The following CATSPERD variants were observed in gnomAD, a reference collection of about 807,000 sequenced individuals.
The protein encoded by CATSPERD is catsper channel auxiliary subunit delta.
Under a neutral mutation model 98.1 loss-of-function variants are expected in CATSPERD, and 86 were observed. The observed-to-expected ratio is 0.88, with a 90% CI of 0.74 to 1.05. The LOEUF is 1.05. Ranked by LOEUF, CATSPERD falls within the 50% of genes least tolerant of loss-of-function variation. CATSPERD has a pLI of 0.00. For missense variants in CATSPERD, 995 were observed against 1,005.7 expected (o/e 0.99, Z 0.14); for synonymous variants, 394 against 390.2 (o/e 1.01, Z -0.12).
At chr19:5,760,391 TC>T (rs2056411722) in intron 15 of CATSPERD, among the ~76,000 whole-genome samples, 1 of 112,432 alleles carries the variant, frequency 8.9e-6, no homozygotes, top group Non-Finnish European at 2.1e-5. Flanking sequence ...AGAGCAAAAC[TC>T]GTTCTCAAAA....
rs565452303 is a variant in CATSPERD at position 5,735,724 on chromosome 19, C to T, written c.392-1414C>T. Among the ~76,000 whole-genome samples, 4 of 151,392 alleles carry T rather than the reference C, an allele frequency of 2.6e-5. No individual in the cohort carries two copies. The South Asian group carries it at 8.4e-4, about 32-fold the overall frequency. On this transcript the variant is annotated intron_variant, in intron 5 of 21. Coordinates refer to ENST00000381624, the MANE Select transcript of CATSPERD (RefSeq NM_152784.4). ...TATTTACCTCGTGATCCTGTCACCT[C>T]GGCCTCCCAAAGTGCTGGGATTACA...
rs774517722 is a variant in CATSPERD at position 5,776,178 on chromosome 19, C to T, written c.1959C>T (p.His653=). Residue 653 remains histidine (H), a synonymous_variant, in exon 21 of 22, where the codon CAC becomes CAT. Transcript: ENST00000381624. ...FWNRENYVSC[H]DPNNNAPLRW... ...CCCCACAGAACTATGTGAGCTGCCA[C>T]GACCCCAACAACAATGCCCCTTTGA... 5.3e-5 allele frequency: 86 copies of T among 1,614,070 alleles called. No individual in the cohort carries two copies. Among genetic ancestry groups the T allele is most frequent in the Non-Finnish European group, 6.7e-5 (79 of 1,180,036 alleles).
At chr19:5,743,171 C>G (rs556470631) in intron 7 of CATSPERD, among the ~76,000 whole-genome samples, 1 of 151,930 alleles carries the variant, frequency 6.6e-6, no homozygotes, top group Non-Finnish European at 1.5e-5. Context: ...GGTGTGGTGG[C>G]AGGCGCCTGT....
At chr19:5,723,261 G>C (rs141525786) in intron 1 of CATSPERD, among the ~76,000 whole-genome samples, 1 of 151,442 alleles carries the variant, frequency 6.6e-6, no homozygotes. Flanking sequence ...GTGTACTTAT[G>C]TCTGTTTCTG....
chr19:5,755,601 C>T (rs138604782), intron 13 of CATSPERD, among the ~76,000 whole-genome samples: 2 of 151,950 alleles, frequency 1.3e-5, no homozygotes, highest in African/African-American at 2.4e-5. Flanking sequence ...GAGACTCCAT[C>T]TGTACAAAAA....
chr19:5,722,508 A>G (rs941701597), intron 1 of CATSPERD, among the ~76,000 whole-genome samples: 1 of 152,216 alleles, frequency 6.6e-6, no homozygotes, highest in Admixed American at 6.6e-5. Context: ...AGTGGGAGAA[A>G]CATTTTCCAG....
chr19:5,755,714 G>A (rs570428895), intron 13 of CATSPERD, among the ~76,000 whole-genome samples: 51 of 151,516 alleles, frequency 3.4e-4, no homozygotes, highest in African/African-American at 1.0e-3. Flanking sequence ...CGGAGGTTGC[G>A]GTGAGCCAAG....
intron 12 of CATSPERD, among the ~76,000 whole-genome samples, chr19:5,753,027 CA>C (rs139627967): frequency 0.19 from 18,424 of 98,832 alleles, 1,444 homozygotes; most frequent in African/African-American, 0.31. Flanking sequence ...GACTCCATGT[CA>C]AAAAAAAAAA....
At position 5,748,373 on chromosome 19, in the gene CATSPERD, G is replaced by C. The variant is rs2056136621; in HGVS notation, c.904+118G>C. 1.3e-5 allele frequency: 12 copies of C among 909,030 alleles called. 1 individual carries two copies. In the South Asian group the frequency reaches 1.5e-4, roughly 11 times the overall value. The allele number at this position is 909,030 out of a possible 1,614,324, so 56.3% of individuals were successfully genotyped here. On this transcript the variant is annotated intron_variant, in intron 10 of 21. Coordinates refer to ENST00000381624, the MANE Select transcript of CATSPERD (RefSeq NM_152784.4). ...CAGCTGGGCGCGGTGGCTCATGCCTGTAATTCCAGCACTTTGGGAGGCCGA... is the reference window on the plus strand; with the variant it reads ...CAGCTGGGCGCGGTGGCTCATGCCTCTAATTCCAGCACTTTGGGAGGCCGA...
At chr19:5,726,722 A>G (rs1268532178) in intron 2 of CATSPERD, among the ~76,000 whole-genome samples, 2 of 152,104 alleles carry the variant, frequency 1.3e-5, no homozygotes, top group Non-Finnish European at 2.9e-5. Flanking sequence ...GGACATAATT[A>G]TAGATTTACA....
Position 5,772,807 on chromosome 19 carries a change from CAGG to C in CATSPERD, c.1787_1789del (p.Glu596del), listed in dbSNP as rs750897126. 3 of 1,613,718 alleles carry C rather than the reference CAGG, an allele frequency of 1.9e-6. No individual in the cohort carries two copies. Among genetic ancestry groups the C allele is most frequent in the Non-Finnish European group, 1.7e-6 (2 of 1,179,866 alleles). ...TCCTAGGTGGCGAAAAGACAGTTTC[CAGG>C]AGGTCATCGACGCCGAGTATGTGTT... On this transcript the variant is annotated inframe_deletion, in exon 20 of 22. Transcript: ENST00000381624.
intron 21 of CATSPERD, 23 bp from the exon 22 acceptor site, chr19:5,778,353 C>T (rs2056769540): frequency 7.0e-6 from 11 of 1,580,772 alleles, no homozygotes; most frequent in Non-Finnish European, 8.6e-6. Context: ...CCAACAGCCT[C>T]TCCCCGCCTC....
chr19:5,752,931 G>C (rs1166029157), intron 12 of CATSPERD, among the ~76,000 whole-genome samples: 1 of 151,816 alleles, frequency 6.6e-6, no homozygotes, highest in African/African-American at 2.4e-5. Flanking sequence ...AGGAGGCTGA[G>C]GCAGGAGAAT....
chr19:5,756,615 G>A (rs142417256), intron 13 of CATSPERD, among the ~76,000 whole-genome samples: 2 of 152,156 alleles, frequency 1.3e-5, no homozygotes, highest in East Asian at 1.9e-4. Flanking sequence ...AAGTAGGCTG[G>A]GCTAACTTCC....
intron 1 of CATSPERD, among the ~76,000 whole-genome samples, chr19:5,724,513 T>C (rs2055565764): frequency 6.6e-6 from 1 of 151,912 alleles, no homozygotes; most frequent in African/African-American, 2.4e-5. Context: ...GCCTGGCCAA[T>C]GTGGTGAAAC....
At chr19:5,742,346 G>A (rs1338049023) in intron 7 of CATSPERD, among the ~76,000 whole-genome samples, 1 of 151,730 alleles carries the variant, frequency 6.6e-6, no homozygotes, top group Non-Finnish European at 1.5e-5. Flanking sequence ...GTACATGTGT[G>A]TGTGTGCATG....
intron 9 of CATSPERD, 80 bp from the exon 10 acceptor site, chr19:5,748,080 G>T: frequency 8.6e-7 from 1 of 1,159,318 alleles, no homozygotes; most frequent in South Asian, 1.2e-5. Flanking sequence ...GGTGGCAGGG[G>T]TGGCTGTGGT....
chr19:5,764,099 T>G (rs2056494777), intron 16 of CATSPERD, among the ~76,000 whole-genome samples: 1 of 151,914 alleles, frequency 6.6e-6, no homozygotes. Flanking sequence ...TCTGCCCACC[T>G]TGGCCTCCCA....
chr19:5,769,855 G>A (rs1268547355), intron 18 of CATSPERD, among the ~76,000 whole-genome samples: 7 of 152,050 alleles, frequency 4.6e-5, no homozygotes. Flanking sequence ...TTGGGAGGCC[G>A]AGACAGGTGG....
Sources: gnomAD v4.1 joint callset for allele counts (sites outside exome capture counted in the v4.1 genomes callset) on GRCh38, gnomAD v4.1.1 for gene constraint, MANE v1.5 for transcripts, NCBI Gene and HGNC (gene_info 2026-07-23, HGNC 2026-07-21) for gene names.